The following DNAJC6 variants were observed in gnomAD, a reference collection of about 807,000 sequenced individuals.
DNAJC6 encodes auxilin.
A neutral mutation model predicts 110.0 loss-of-function variants in DNAJC6; 34 were observed. That is an observed-to-expected ratio of 0.31 (90% CI 0.24 to 0.41). The LOEUF is 0.41. DNAJC6 is among the 10% of genes least tolerant of loss of function. DNAJC6 has a pLI of 1.00. For synonymous variants in DNAJC6, 406 were observed against 437.2 expected (o/e 0.93, Z 0.89); for missense variants, 1,031 against 1,207.8 (o/e 0.85, Z 2.17).
intron 1 of DNAJC6, chr1:65,298,746 C>T (rs1230703437): frequency 1.3e-5 from 2 of 152,150 alleles, no homozygotes; most frequent in Non-Finnish European, 2.9e-5. Context: ...CTTTATGTTC[C>T]AAAATCACTT....
At chr1:65,264,782 AGC>A in exon 1 of DNAJC6, 1 of 1,508,172 alleles carries the variant, frequency 6.6e-7, no homozygotes, top group South Asian at 1.3e-5. Flanking sequence ...CAATTATCAT[AGC>A]CCGAGTGCTC....
intron 4 of DNAJC6, among the ~76,000 whole-genome samples, chr1:65,366,930 G>C (rs1272769079): frequency 2.6e-5 from 4 of 152,126 alleles, no homozygotes; most frequent in African/African-American, 9.7e-5. Flanking sequence ...AATGATAGCT[G>C]GTTGACAATG....
intron 1 of DNAJC6, among the ~76,000 whole-genome samples, chr1:65,338,581 T>A (rs1237428723): frequency 6.6e-6 from 1 of 152,172 alleles, no homozygotes; most frequent in Non-Finnish European, 1.5e-5. Flanking sequence ...TTCAAATCTT[T>A]AAAGCAGGTT....
intron 1 of DNAJC6, among the ~76,000 whole-genome samples, chr1:65,310,756 A>G (rs1470737874): frequency 6.6e-6 from 1 of 152,168 alleles, no homozygotes; most frequent in East Asian, 1.9e-4. Flanking sequence ...CATTTAATAT[A>G]TCCATGTTGG....
chr1:65,307,461 A>G (rs1200949722), upstream of DNAJC6, among the ~76,000 whole-genome samples: 1 of 152,186 alleles, frequency 6.6e-6, no homozygotes, highest in Non-Finnish European at 1.5e-5. Context: ...CTGCAAGTTG[A>G]GCAAAAATAA....
At chr1:65,280,326 AT>A (rs541207463) in intron 1 of DNAJC6, among the ~76,000 whole-genome samples, 53 of 150,984 alleles carry the variant, frequency 3.5e-4, no homozygotes, top group Non-Finnish European at 4.0e-4. Context: ...GATTATTCAT[AT>A]TTTTTTTTCA....
chr1:65,302,492 C>T (rs1644996463), intron 1 of DNAJC6, among the ~76,000 whole-genome samples: 1 of 148,178 alleles, frequency 6.7e-6, no homozygotes, highest in Non-Finnish European at 1.5e-5. Context: ...GAGTTTGCCT[C>T]CCCCTTAACC....
At chr1:65,323,934 A>G (rs1452643614) in intron 1 of DNAJC6, among the ~76,000 whole-genome samples, 2 of 152,204 alleles carry the variant, frequency 1.3e-5, no homozygotes, top group African/African-American at 4.8e-5. Flanking sequence ...TCAGATTGTT[A>G]GGAAGAACAA....
At chr1:65,350,309 G>T (rs968203827) in intron 1 of DNAJC6, among the ~76,000 whole-genome samples, 1 of 152,038 alleles carries the variant, frequency 6.6e-6, no homozygotes, top group African/African-American at 2.4e-5. Context: ...TTTCATTTCA[G>T]ATATTATACT....
At chr1:65,394,617 T>C (rs1645959975) in intron 12 of DNAJC6, among the ~76,000 whole-genome samples, 1 of 152,216 alleles carries the variant, frequency 6.6e-6, no homozygotes, top group Non-Finnish European at 1.5e-5. Context: ...AACAAATAAA[T>C]CCTGCTCTTA....
chr1:65,385,590 A>C (rs1645863623), intron 6 of DNAJC6, 122 bp from the exon 7 acceptor site: 3 of 839,088 alleles, frequency 3.6e-6, no homozygotes, highest in Non-Finnish European at 5.2e-6. Context: ...AATATTTAAG[A>C]AATTGATAGA....
rs553243475 is a variant in DNAJC6, at chr1:65,282,305, G to A, written c.-131+17373G>A. ...GTTTTGTCAGGCTGTTAGAATTCCC[G>A]TAGCAGTAGAATGCATTATCTGCAG... On this transcript the variant is annotated intron_variant, in intron 1 of 19. Coordinates refer to the DNAJC6 transcript ENST00000263441. Among the ~76,000 whole-genome samples, 18 of 152,234 alleles carry A rather than the reference G, an allele frequency of 1.2e-4. No homozygotes were observed. In the East Asian group the frequency reaches 2.1e-3, roughly 18 times the overall value.
intron 13 of DNAJC6, 85 bp downstream of exon 13, chr1:65,395,117 G>A: frequency 7.3e-7 from 1 of 1,377,288 alleles, no homozygotes; most frequent in Non-Finnish European, 9.5e-7. Flanking sequence ...AGCACCCTGT[G>A]GGTGCTTTTT....
At chr1:65,375,049 C>A (rs534851502) in intron 4 of DNAJC6, among the ~76,000 whole-genome samples, 1 of 151,528 alleles carries the variant, frequency 6.6e-6, no homozygotes, top group South Asian at 2.1e-4. Flanking sequence ...CTGCAACCTC[C>A]GCCTCCTGGA....
At chr1:65,361,371 G>A (rs1293236237) in intron 1 of DNAJC6, among the ~76,000 whole-genome samples, 2 of 152,170 alleles carry the variant, frequency 1.3e-5, no homozygotes, top group Non-Finnish European at 2.9e-5. Flanking sequence ...GTCTAATGGT[G>A]ACTTAGACAT....
At chr1:65,264,777 A>G (rs1653258742) in exon 1 of DNAJC6, 16 of 1,500,546 alleles carry the variant, frequency 1.1e-5, no homozygotes, top group African/African-American at 1.4e-5. Context: ...GCATGCAATT[A>G]TCATAGCCCG....
chr1:65,375,124 C>T (rs575313159), intron 4 of DNAJC6, among the ~76,000 whole-genome samples: 7 of 151,838 alleles, frequency 4.6e-5, no homozygotes, highest in South Asian at 2.1e-4. Flanking sequence ...CCACTATGCC[C>T]GGTTAATTTT....
intron 1 of DNAJC6, among the ~76,000 whole-genome samples, chr1:65,276,142 A>G (rs1653663740): frequency 6.6e-6 from 1 of 152,174 alleles, no homozygotes; most frequent in South Asian, 2.1e-4. Context: ...TTGACCTCCC[A>G]AAGTGCTGGG....
intron 1 of DNAJC6, among the ~76,000 whole-genome samples, chr1:65,324,010 T>G (rs1645219194): frequency 6.6e-6 from 1 of 152,208 alleles, no homozygotes; most frequent in Admixed American, 6.5e-5. Context: ...TTGATAAGTG[T>G]TGGCTGTGCT....
Sources: gnomAD v4.1 joint callset for allele counts (sites outside exome capture counted in the v4.1 genomes callset) on GRCh38, gnomAD v4.1.1 for gene constraint, MANE v1.5 for transcripts, NCBI Gene and HGNC (gene_info 2026-07-23, HGNC 2026-07-21) for gene names.